The following KCNIP4 variants were observed in gnomAD, a reference collection of about 807,000 sequenced individuals.
The protein encoded by KCNIP4 is Kv channel-interacting protein 4.
A neutral mutation model predicts 34.0 loss-of-function variants in KCNIP4; 12 were observed. That is an observed-to-expected ratio of 0.35 (90% CI 0.23 to 0.57). KCNIP4 has a LOEUF of 0.57. Ranked by LOEUF, KCNIP4 falls within the 20% of genes least tolerant of loss-of-function variation. The probability of loss-of-function intolerance (pLI) is 0.83; values close to 1 mark genes in which losing one functional copy is unlikely to be tolerated. For synonymous variants in KCNIP4, 124 were observed against 102.2 expected (o/e 1.21, Z -1.29); for missense variants, 238 against 311.7 (o/e 0.76, Z 1.78).
chr4:21,183,211 T>C (rs1356476625), intron 1 of KCNIP4, among the ~76,000 whole-genome samples: 5 of 152,302 alleles, frequency 3.3e-5, no homozygotes. Flanking sequence ...GGCCAGATAG[T>C]ATTCTATTGT....
At chr4:20,909,903 C>T (rs1728167118) in intron 1 of KCNIP4, among the ~76,000 whole-genome samples, 2 of 152,032 alleles carry the variant, frequency 1.3e-5, no homozygotes, top group South Asian at 4.1e-4. Context: ...AAGGGAAAGG[C>T]CAAAAGATTC....
intron 1 of KCNIP4, among the ~76,000 whole-genome samples, chr4:21,050,939 T>C (rs1373880046): frequency 6.6e-6 from 1 of 151,660 alleles, no homozygotes; most frequent in Non-Finnish European, 1.5e-5. Flanking sequence ...ATTCAATTTA[T>C]TGCCCCAAGA....
intron 1 of KCNIP4, among the ~76,000 whole-genome samples, chr4:21,395,084 A>T (rs1001161663): frequency 3.3e-5 from 5 of 152,170 alleles, no homozygotes; most frequent in Admixed American, 6.5e-5. Context: ...AGAACCCCAG[A>T]GTTGGTATGA....
At chr4:21,562,355 G>C (rs1000937644) in intron 1 of KCNIP4, among the ~76,000 whole-genome samples, 1 of 151,932 alleles carries the variant, frequency 6.6e-6, no homozygotes, top group African/African-American at 2.4e-5. Flanking sequence ...ATTTACCGAG[G>C]TGGATGTGCC....
chr4:21,711,209 C>T (rs1447363416), intron 1 of KCNIP4, among the ~76,000 whole-genome samples: 3 of 152,210 alleles, frequency 2.0e-5, no homozygotes, highest in African/African-American at 4.8e-5. Context: ...CACAGTGGCT[C>T]ACGCCTGTAA....
At chr4:21,151,449 T>C (rs1473794068) in intron 1 of KCNIP4, among the ~76,000 whole-genome samples, 1 of 126,376 alleles carries the variant, frequency 7.9e-6, no homozygotes, top group Non-Finnish European at 1.6e-5. Flanking sequence ...TTCTGGAGCC[T>C]GAGAAGCCCA....
chr4:21,265,362 A>G (rs1367898903), intron 1 of KCNIP4, among the ~76,000 whole-genome samples: 1 of 152,166 alleles, frequency 6.6e-6, no homozygotes, highest in Non-Finnish European at 1.5e-5. Flanking sequence ...GAAGCAATAA[A>G]GAAGTTTGAC....
intron 1 of KCNIP4, among the ~76,000 whole-genome samples, chr4:21,534,152 T>C (rs1026650001): frequency 6.6e-6 from 1 of 152,180 alleles, no homozygotes; most frequent in Admixed American, 6.5e-5. Flanking sequence ...GATAATTTGG[T>C]GTCAAATGCA....
At chr4:21,631,011 GCTA>G (rs1248627441) in intron 1 of KCNIP4, among the ~76,000 whole-genome samples, 1 of 152,066 alleles carries the variant, frequency 6.6e-6, no homozygotes, top group Non-Finnish European at 1.5e-5. Flanking sequence ...AGTTCACCTG[GCTA>G]CTTTCTACAT....
chr4:21,494,536 A>T (rs1169254074), intron 1 of KCNIP4, among the ~76,000 whole-genome samples: 2 of 152,064 alleles, frequency 1.3e-5, no homozygotes, highest in African/African-American at 4.8e-5. Context: ...GCACTTTGGG[A>T]GGCTGAGGTG....
intron 1 of KCNIP4, among the ~76,000 whole-genome samples, chr4:21,371,991 A>T (rs909188573): frequency 2.7e-5 from 4 of 147,250 alleles, no homozygotes; most frequent in Admixed American, 2.0e-4. Context: ...CACAATGGGG[A>T]TCTCCATACT....
chr4:21,457,290 T>A (rs985083198), intron 1 of KCNIP4, among the ~76,000 whole-genome samples: 9 of 152,084 alleles, frequency 5.9e-5, no homozygotes, highest in African/African-American at 2.2e-4. Flanking sequence ...ATGATCTCTT[T>A]TAATTCCTTG....
intron 1 of KCNIP4, among the ~76,000 whole-genome samples, chr4:21,925,361 G>C (rs909888454): frequency 1.3e-5 from 2 of 151,440 alleles, no homozygotes; most frequent in Non-Finnish European, 2.9e-5. Context: ...GCAATAGTTT[G>C]CTGAGAATGA....
intron 1 of KCNIP4, among the ~76,000 whole-genome samples, chr4:20,994,133 G>A (rs535808903): frequency 2.0e-5 from 3 of 152,250 alleles, no homozygotes; most frequent in African/African-American, 7.2e-5. Flanking sequence ...TCACAATACT[G>A]ATTACCTTGT....
intron 2 of KCNIP4, among the ~76,000 whole-genome samples, chr4:20,874,580 T>C (rs1380755378): frequency 1.3e-5 from 2 of 152,136 alleles, no homozygotes; most frequent in African/African-American, 4.8e-5. Flanking sequence ...GTGAATGATT[T>C]AATGACAACT....
rs1238760 is a variant in KCNIP4 at position 21,224,691 on chromosome 4, A to G, written c.62-341982T>C. 2.0e-5 allele frequency among the ~76,000 whole-genome samples: 3 copies of G among 147,694 alleles called. No homozygotes were observed. The South Asian group carries it at 6.5e-4, about 32-fold the overall frequency. ...AGCCTCCACCTCCTGGGTTCAAGCA[A>G]TTCTCCTGCCTCAGCCTCCCAAGTA... On this transcript the variant is annotated intron_variant, in intron 1 of 8. Transcript: ENST00000382152.
intron 2 of KCNIP4, among the ~76,000 whole-genome samples, chr4:20,850,955 AG>A (rs1720957605): frequency 6.6e-6 from 1 of 152,226 alleles, no homozygotes; most frequent in South Asian, 2.1e-4. Flanking sequence ...TCAGATAATC[AG>A]TGGATTATAT....
At chr4:21,044,588 G>A (rs1176725711) in intron 1 of KCNIP4, among the ~76,000 whole-genome samples, 1 of 152,164 alleles carries the variant, frequency 6.6e-6, no homozygotes, top group Non-Finnish European at 1.5e-5. Flanking sequence ...GGGATTACAG[G>A]CATGAGCCAC....
chr4:21,788,124 A>T (rs534584497), intron 1 of KCNIP4, among the ~76,000 whole-genome samples: 2 of 152,334 alleles, frequency 1.3e-5, no homozygotes, highest in South Asian at 4.1e-4. Context: ...TTGCAAGTAA[A>T]CCACACTGGA....
Sources: allele counts gnomAD v4.1 joint callset (sites outside exome capture counted in the v4.1 genomes callset), GRCh38; gene constraint gnomAD v4.1.1; transcripts MANE v1.5; gene names NCBI Gene and HGNC (gene_info 2026-07-23, HGNC 2026-07-21).